Variants in LHFPL3 observed in about 807,000 individuals in gnomAD.
The protein encoded by LHFPL3 is LHFPL tetraspan subfamily member 3 protein.
A neutral mutation model predicts 19.3 loss-of-function variants in LHFPL3; 5 were observed. The observed-to-expected ratio is 0.26, with a 90% CI of 0.14 to 0.54. The LOEUF (loss-of-function observed/expected upper bound fraction) is 0.54. Among genes scored for constraint, LHFPL3 ranks in the 20% least tolerant of loss-of-function variants. The pLI is 0.94. For missense variants in LHFPL3, 249 were observed against 307.4 expected, an observed-to-expected ratio of 0.81 and a Z score of 1.42; for synonymous variants, 133 against 126.2, an observed-to-expected ratio of 1.05 and a Z score of -0.36.
intron 1 of LHFPL3, among the ~76,000 whole-genome samples, chr7:104,625,346 C>G (rs577073871): frequency 2.8e-4 from 42 of 152,264 alleles, no homozygotes; most frequent in African/African-American, 1.0e-3. Context: ...AGAAAACAGC[C>G]AGCTTAAACA....
At chr7:104,457,316 G>C (rs372330212) in intron 1 of LHFPL3, among the ~76,000 whole-genome samples, 1 of 135,234 alleles carries the variant, frequency 7.4e-6, no homozygotes, top group South Asian at 2.3e-4. Context: ...TCCCCTTCCT[G>C]TGTCCATGTG....
At chr7:104,491,105 A>C (rs1393987889) in intron 1 of LHFPL3, among the ~76,000 whole-genome samples, 1 of 152,128 alleles carries the variant, frequency 6.6e-6, no homozygotes, top group Admixed American at 6.5e-5. Flanking sequence ...CATGGGCCTC[A>C]GTCCAACTAT....
intron 1 of LHFPL3, among the ~76,000 whole-genome samples, chr7:104,599,886 C>G (rs1790930915): frequency 6.6e-6 from 1 of 152,230 alleles, no homozygotes; most frequent in African/African-American, 2.4e-5. Context: ...TCCTACCAGA[C>G]AGGCAGTATT....
At chr7:104,554,640 C>CAGATAGAT (rs55796324) in intron 1 of LHFPL3, among the ~76,000 whole-genome samples, 236 of 143,974 alleles carry the variant, frequency 1.6e-3, no homozygotes, top group East Asian at 1.9e-3. Flanking sequence ...ATTAGATAGA[C>CAGATAGAT]AGATAGATAG....
At chr7:104,816,351 T>G (rs555710229) in intron 2 of LHFPL3, among the ~76,000 whole-genome samples, 1 of 152,352 alleles carries the variant, frequency 6.6e-6, no homozygotes, top group South Asian at 2.1e-4. Context: ...GATTTGAGGC[T>G]CTGCACTAAG....
intron 2 of LHFPL3, among the ~76,000 whole-genome samples, chr7:104,813,884 C>G (rs1790519284): frequency 6.6e-6 from 1 of 152,186 alleles, no homozygotes; most frequent in Non-Finnish European, 1.5e-5. Flanking sequence ...TTGGGTTCCC[C>G]AAAGGACCAC....
chr7:104,476,970 C>T (rs546616018), intron 1 of LHFPL3, among the ~76,000 whole-genome samples: 1 of 152,146 alleles, frequency 6.6e-6, no homozygotes, highest in South Asian at 2.1e-4. Flanking sequence ...TGCCAATCTC[C>T]ATAGGACAAA....
intron 1 of LHFPL3, among the ~76,000 whole-genome samples, chr7:104,580,737 A>T (rs1554409829): frequency 6.6e-6 from 1 of 151,888 alleles, no homozygotes; most frequent in Non-Finnish European, 1.5e-5. Context: ...ACTTGTCTTG[A>T]TTTTTTTCCA....
intron 2 of LHFPL3, among the ~76,000 whole-genome samples, chr7:104,779,707 A>G (rs1794688789): frequency 6.6e-6 from 1 of 152,234 alleles, no homozygotes; most frequent in South Asian, 2.1e-4. Context: ...TCCTTTGTCC[A>G]TGAACACTGA....
At chr7:104,438,316 T>C (rs1407132647) in intron 1 of LHFPL3, among the ~76,000 whole-genome samples, 3 of 152,214 alleles carry the variant, frequency 2.0e-5, no homozygotes, top group Admixed American at 2.0e-4. Context: ...AATCTTACCT[T>C]GGAAATACTT....
At chr7:104,560,807 T>C (rs1398922396) in intron 1 of LHFPL3, among the ~76,000 whole-genome samples, 2 of 149,208 alleles carry the variant, frequency 1.3e-5, no homozygotes, top group African/African-American at 5.0e-5. Context: ...CTGCTTTCTC[T>C]TGTGGGCATT....
intron 1 of LHFPL3, among the ~76,000 whole-genome samples, chr7:104,585,141 C>G (rs900133220): frequency 2.0e-5 from 3 of 152,038 alleles, no homozygotes; most frequent in Non-Finnish European, 4.4e-5. Context: ...TACCTGTCCT[C>G]CTTTTCCTCC....
chr7:104,589,087 A>T (rs967546383), intron 1 of LHFPL3, among the ~76,000 whole-genome samples: 1 of 152,062 alleles, frequency 6.6e-6, no homozygotes, highest in African/African-American at 2.4e-5. Flanking sequence ...TCTTTTCCTA[A>T]TTGAATACCC....
intron 1 of LHFPL3, among the ~76,000 whole-genome samples, chr7:104,355,365 G>A (rs984865120): frequency 6.6e-5 from 10 of 152,142 alleles, no homozygotes; most frequent in Admixed American, 1.3e-4. Flanking sequence ...CTCCTGAGAC[G>A]TCACACTTGG....
At chr7:104,833,045 TATATATATATTATATATA>T (rs1791001409) in intron 2 of LHFPL3, among the ~76,000 whole-genome samples, 1 of 640 alleles carries the variant, frequency 1.6e-3, no homozygotes, top group African/African-American at 4.8e-3. Flanking sequence ...ATATATATAT[TATATATATATTATATATA>T]ATATATATAT....
intron 2 of LHFPL3, chr7:104,826,924 G>A (rs936558033): frequency 1.3e-5 from 2 of 151,972 alleles, no homozygotes; most frequent in Non-Finnish European, 2.9e-5. Flanking sequence ...TAGAGCTGGA[G>A]ACATAATTGT....
At position 104,412,879 on chromosome 7, in the gene LHFPL3, C is replaced by G. The variant is rs183675161; in HGVS notation, c.445+83655C>G. Among the ~76,000 whole-genome samples the G allele has an allele frequency of 4.6e-4, 70 of 152,294 alleles. No homozygotes were observed. The East Asian group carries it at 0.011, about 24-fold the overall frequency. On this transcript the variant is annotated intron_variant, in intron 1 of 2. Transcript: ENST00000424859. ...AGCAATCTATTTGTAATGACTCTTT[C>G]ACTAGTGAGTACCATAAATGTGTTT...
At chr7:104,821,757 T>G (rs1316020720) in intron 2 of LHFPL3, among the ~76,000 whole-genome samples, 1 of 152,170 alleles carries the variant, frequency 6.6e-6, no homozygotes, top group African/African-American at 2.4e-5. Flanking sequence ...TTTCTAGACT[T>G]GGAAAAACAG....
intron 1 of LHFPL3, among the ~76,000 whole-genome samples, chr7:104,438,059 T>C (rs1792146451): frequency 6.6e-6 from 1 of 152,156 alleles, no homozygotes; most frequent in South Asian, 2.1e-4. Flanking sequence ...TCCAAGGAAT[T>C]GGAAGCTGTA....
Sources: allele counts gnomAD v4.1 joint callset (sites outside exome capture counted in the v4.1 genomes callset), GRCh38; gene constraint gnomAD v4.1.1; transcripts MANE v1.5; gene names NCBI Gene and HGNC (gene_info 2026-07-23, HGNC 2026-07-21).